ARHGAP10: variants seen among roughly 807,000 people sequenced by gnomAD.
ARHGAP10 encodes Rho GTPase activating protein 10.
A neutral mutation model predicts 108.6 loss-of-function variants in ARHGAP10; 87 were observed. The ratio of observed to expected loss-of-function variants is 0.80; its 90% confidence interval spans 0.67 to 0.96. The LOEUF is 0.96. ARHGAP10 is among the 40% of genes least tolerant of loss of function. ARHGAP10 has a pLI of 0.00. For missense variants in ARHGAP10, 939 were observed against 954.5 expected, an observed-to-expected ratio of 0.98 and a Z score of 0.21; for synonymous variants, 347 against 341.1, an observed-to-expected ratio of 1.02 and a Z score of -0.19.
intron 1 of ARHGAP10, among the ~76,000 whole-genome samples, chr4:147,803,658 A>G (rs559622141): frequency 1.3e-5 from 2 of 152,270 alleles, no homozygotes; most frequent in Non-Finnish European, 2.9e-5. Flanking sequence ...TTATTGGCCC[A>G]CACATTTGAG....
chr4:147,795,668 T>G (rs930702818), intron 1 of ARHGAP10, among the ~76,000 whole-genome samples: 1 of 151,698 alleles, frequency 6.6e-6, no homozygotes, highest in South Asian at 2.1e-4. Context: ...CCTCAGATTT[T>G]TATTTATTTT....
intron 18 of ARHGAP10, among the ~76,000 whole-genome samples, chr4:147,985,041 C>T (rs1457682593): frequency 6.6e-6 from 1 of 152,126 alleles, no homozygotes; most frequent in Admixed American, 6.5e-5. Flanking sequence ...CTCACCTGGT[C>T]TCAAGTTCTC....
intron 14 of ARHGAP10, 162 bp from the exon 15 acceptor site, chr4:147,946,455 C>T (rs1738382400): frequency 3.6e-6 from 2 of 563,042 alleles, no homozygotes; most frequent in Admixed American, 3.5e-5. Context: ...AGTCATAGAA[C>T]ATAGCTTATA....
chr4:147,915,930 C>T (rs1311930572), intron 13 of ARHGAP10, among the ~76,000 whole-genome samples: 1 of 151,972 alleles, frequency 6.6e-6, no homozygotes, highest in African/African-American at 2.4e-5. Flanking sequence ...ATAGCATGAC[C>T]CTGTCTGTAT....
chr4:147,882,075 A>G, intron 10 of ARHGAP10, 143 bp downstream of exon 10: 1 of 756,554 alleles, frequency 1.3e-6, no homozygotes, highest in Non-Finnish European at 2.2e-6. Flanking sequence ...GTTCATTATA[A>G]GCTGTTTAGT....
chr4:147,805,588 C>T (rs182935625), intron 1 of ARHGAP10, among the ~76,000 whole-genome samples: 87 of 152,154 alleles, frequency 5.7e-4, no homozygotes, highest in African/African-American at 2.0e-3. Context: ...AATATTGATT[C>T]GTCATATCCC....
At chr4:147,855,351 A>C (rs1734039337) in intron 4 of ARHGAP10, among the ~76,000 whole-genome samples, 1 of 152,108 alleles carries the variant, frequency 6.6e-6, no homozygotes. Flanking sequence ...TGTTTGTTTC[A>C]GTTTATTTTC....
intron 1 of ARHGAP10, among the ~76,000 whole-genome samples, chr4:147,744,466 G>C (rs1038046730): frequency 6.6e-6 from 1 of 152,114 alleles, no homozygotes; most frequent in African/African-American, 2.4e-5. Context: ...GAAAAGTTTT[G>C]TGTAGGGGAG....
At chr4:148,044,152 T>C (rs1481602972) in intron 19 of ARHGAP10, among the ~76,000 whole-genome samples, 3 of 152,168 alleles carry the variant, frequency 2.0e-5, no homozygotes, top group Non-Finnish European at 4.4e-5. Flanking sequence ...ACTCTCTTAA[T>C]AGAATGTGAT....
At chr4:147,789,252 A>G (rs1005518246) in intron 1 of ARHGAP10, among the ~76,000 whole-genome samples, 1 of 152,222 alleles carries the variant, frequency 6.6e-6, no homozygotes, top group Non-Finnish European at 1.5e-5. Context: ...GTGCATTTCT[A>G]TTTAAGTGGG....
intron 1 of ARHGAP10, among the ~76,000 whole-genome samples, chr4:147,795,420 A>AT (rs746555595): frequency 1.1e-4 from 16 of 151,982 alleles, no homozygotes; most frequent in Admixed American, 2.0e-4. Context: ...GTCAAAAATT[A>AT]TATTTTTTCC....
intron 4 of ARHGAP10, among the ~76,000 whole-genome samples, chr4:147,852,584 G>T (rs1325661376): frequency 6.6e-6 from 1 of 151,902 alleles, no homozygotes; most frequent in Non-Finnish European, 1.5e-5. Flanking sequence ...AACATTATCA[G>T]TAGGTTCTTG....
At chr4:148,069,376 T>C (rs1730052623) in intron 22 of ARHGAP10, among the ~76,000 whole-genome samples, 1 of 152,154 alleles carries the variant, frequency 6.6e-6, no homozygotes, top group South Asian at 2.1e-4. Flanking sequence ...CCCTACTGGC[T>C]TCTGCCTTCC....
chr4:147,832,897 C>G (rs1733012243), intron 3 of ARHGAP10, among the ~76,000 whole-genome samples: 1 of 152,132 alleles, frequency 6.6e-6, no homozygotes, highest in Non-Finnish European at 1.5e-5. Flanking sequence ...GAGGTTACTT[C>G]TCTTTTACTC....
At chr4:147,859,042 A>G (rs1734209780) in intron 5 of ARHGAP10, among the ~76,000 whole-genome samples, 1 of 152,140 alleles carries the variant, frequency 6.6e-6, no homozygotes, top group Non-Finnish European at 1.5e-5. Context: ...CAGGGCCACA[A>G]GATCCTATAT....
At chr4:147,913,837 T>C (rs1181103101) in intron 13 of ARHGAP10, among the ~76,000 whole-genome samples, 3 of 152,044 alleles carry the variant, frequency 2.0e-5, no homozygotes, top group Non-Finnish European at 4.4e-5. Flanking sequence ...CCACCCTCCA[T>C]TGTTGTGTGG....
chr4:148,068,118 G>C (rs1729980504), intron 22 of ARHGAP10, among the ~76,000 whole-genome samples: 1 of 152,170 alleles, frequency 6.6e-6, no homozygotes, highest in Non-Finnish European at 1.5e-5. Context: ...GTGACCACCA[G>C]CCAGTCCTGC....
chr4:147,879,456 A>G, intron 9 of ARHGAP10, 118 bp downstream of exon 9: 1 of 865,300 alleles, frequency 1.2e-6, no homozygotes, highest in Non-Finnish European at 1.7e-6. Flanking sequence ...ATAAATTGTT[A>G]GTATTAAAAT....
chr4:147,914,505 G>C (rs1453181038), intron 13 of ARHGAP10, among the ~76,000 whole-genome samples: 2 of 150,650 alleles, frequency 1.3e-5, no homozygotes, highest in Admixed American at 1.3e-4. Flanking sequence ...TTATAGACAT[G>C]AGCCACCATG....
Sources: gnomAD v4.1 joint callset for allele counts (sites outside exome capture counted in the v4.1 genomes callset) on GRCh38, gnomAD v4.1.1 for gene constraint, MANE v1.5 for transcripts, NCBI Gene and HGNC (gene_info 2026-07-23, HGNC 2026-07-21) for gene names.